TRIM41: variants seen among roughly 807,000 people sequenced by gnomAD.
TRIM41 encodes tripartite motif containing 41, also known as E3 ubiquitin-protein ligase TRIM41.
A neutral mutation model predicts 60.6 loss-of-function variants in TRIM41; 21 were observed. That is an observed-to-expected ratio of 0.35 (90% CI 0.25 to 0.50). The LOEUF is 0.50. TRIM41 is among the 20% of genes least tolerant of loss of function. TRIM41 has a pLI of 0.98. For synonymous variants in TRIM41, 407 were observed against 344.9 expected (o/e 1.18, Z -2.00); for missense variants, 846 against 868.3 (o/e 0.97, Z 0.32).
rs777328002 is a variant in TRIM41, at chr5:181,224,911, C to G, written c.813+99C>G. The G allele has an allele frequency of 2.0e-6, 3 of 1,532,638 alleles. No homozygotes were observed. In the South Asian group the frequency reaches 3.4e-5, roughly 18 times the overall value. 94.9% of individuals were successfully genotyped at this position (1,532,638 alleles called of 1,614,324 possible). A position where few individuals can be genotyped will look rare whatever the true frequency, so the allele number is the denominator to read the frequency against. On this transcript the variant is annotated intron_variant, in intron 1 of 5. Transcript: ENST00000315073. ...AAACATCTCTTCACCCACCAAAGAACCTCATGGTATTGGTGAGCCAAGTTT... is the reference window on the plus strand; with the variant it reads ...AAACATCTCTTCACCCACCAAAGAAGCTCATGGTATTGGTGAGCCAAGTTT...
Position 181,235,625 on chromosome 5 carries a change from A to AG in TRIM41, c.*855dup, listed in dbSNP as rs529128801. 174 of 570,820 alleles carry AG rather than the reference A, an allele frequency of 3.0e-4. 1 individual carries two copies. The highest frequency in any genetic ancestry group is 3.0e-3 in the African/African-American group (162 of 53,360). The allele number at this position is 570,820 out of a possible 1,614,324, so 35.4% of individuals were successfully genotyped here. On this transcript the variant is annotated 3_prime_UTR_variant, in exon 6 of 6. Transcript: ENST00000315073. ...CTTTCACTCCATTTGGCAAGCTCTG[A>AG]GGGGGAGCCTGGGGACGGGTTTGGG...
chr5:181,223,316 G>C lies in TRIM41; in HGVS notation c.-684G>C. ...TCGGCTGTGGGGAGTACCGGCTGCA[G>C]TCGGCTGTGCCGGGAGGGTAGGATG... is the stretch of plus-strand genomic sequence containing the variant. On this transcript the variant is annotated 5_prime_UTR_variant, in exon 1 of 6. Coordinates refer to ENST00000315073, the MANE Select transcript of TRIM41 (RefSeq NM_033549.5). 1 of 399,224 alleles carries C rather than the reference G, an allele frequency of 2.5e-6. No individual in the cohort carries two copies. The highest frequency in any genetic ancestry group is 4.4e-6 in the Non-Finnish European group (1 of 226,486). 24.7% of individuals were successfully genotyped at this position (399,224 alleles called of 1,614,324 possible).
Position 181,234,197 on chromosome 5 carries a change from A to G in TRIM41, c.1315A>G (p.Thr439Ala), listed in dbSNP as rs1429128113. ...AGTGGACCTGACGCTGGACCCTGAC[A>G]CGGCTCACCCGGCCCTGATGCTGTC... is the stretch of plus-strand genomic sequence containing the variant. The part of the protein sequence containing the change: ...ARVDLTLDPD[T>A]AHPALMLSPD... Residue 439 changes from threonine to alanine, a missense_variant, in exon 6 of 6, where the codon ACG (threonine) becomes GCG (alanine). Transcript: ENST00000315073. This position sits in a 1 kb window ranked among gnomAD's most constrained non-coding sequence, Gnocchi z 5.6. The G allele has an allele frequency of 2.5e-6, 4 of 1,612,450 alleles. No homozygotes were observed. Among genetic ancestry groups the G allele is most frequent in the African/African-American group, 1.3e-5 (1 of 75,010 alleles).
At chr5:181,226,613 T>C (rs552330288) in intron 1 of TRIM41, 12 of 152,364 alleles carry the variant, frequency 7.9e-5, no homozygotes, top group African/African-American at 2.9e-4. Flanking sequence ...CCTGTTGTCC[T>C]TTCCATCTCC....
Position 181,224,750 on chromosome 5 carries a change from G to A in TRIM41, c.751G>A (p.Glu251Lys). 6.2e-7 allele frequency: 1 copy of A among 1,614,218 alleles called. No homozygotes were observed. Residue 251 changes from glutamate (E) to lysine (K), a missense_variant, in exon 1 of 6, where the codon GAA becomes AAA. Coordinates refer to ENST00000315073, the MANE Select transcript of TRIM41 (RefSeq NM_033549.5). Reference sequence around the variant, plus strand: ...AGAGGCCATCTGTGTGGTGTGCCGAGAATCCAGGAGCCACAAACAGCACAG... The same window carrying A: ...AGAGGCCATCTGTGTGGTGTGCCGAAAATCCAGGAGCCACAAACAGCACAG... Reference protein sequence around the residue: ...DEEAICVVCRESRSHKQHSVV... With the variant: ...DEEAICVVCRKSRSHKQHSVV...
rs189635310 is a variant in TRIM41 at position 181,232,543 on chromosome 5, G to T, written c.910-116G>T. The T allele has an allele frequency of 1.9e-5, 18 of 948,166 alleles. No individual in the cohort carries two copies. The African/African-American group carries it at 2.8e-4, about 15-fold the overall frequency. 58.7% of individuals were successfully genotyped at this position (948,166 alleles called of 1,614,324 possible). A position where few individuals can be genotyped will look rare whatever the true frequency, so the allele number is the denominator to read the frequency against. ...ATGAGCCTCTTTCCGGGACTATCTT[G>T]GACCTGGGGAGTGTAGGGCTCCTTT... On this transcript the variant is annotated intron_variant, in intron 2 of 5. Coordinates refer to ENST00000315073, the MANE Select transcript of TRIM41 (RefSeq NM_033549.5).
chr5:181,234,553 A>T lies in TRIM41; in HGVS notation c.1671A>T (p.Lys557Asn). 1 of 1,614,174 alleles carries T rather than the reference A, an allele frequency of 6.2e-7. No homozygotes were observed. Among genetic ancestry groups the T allele is most frequent in the Non-Finnish European group, 8.5e-7 (1 of 1,179,992 alleles). The change falls in exon 6 of 6, where the codon AAA becomes AAT. Residue 557 changes from lysine (K) to asparagine (N), a missense_variant. Coordinates refer to ENST00000315073, the MANE Select transcript of TRIM41 (RefSeq NM_033549.5). This position sits in a 1 kb window ranked among gnomAD's most constrained non-coding sequence, Gnocchi z 5.6. ...TGTGGTGCGTGGGCACCAACGGCAAACGCTATCAGGCCCAGAGCTCCACAG... is the reference window on the plus strand; with the variant it reads ...TGTGGTGCGTGGGCACCAACGGCAATCGCTATCAGGCCCAGAGCTCCACAG... ...REVWCVGTNG[K>N]RYQAQSSTEQ...
intron 2 of TRIM41, 112 bp downstream of exon 2, chr5:181,230,951 G>T (rs1758772512): frequency 1.1e-6 from 1 of 904,366 alleles, no homozygotes; most frequent in Admixed American, 1.8e-5. Context: ...GACAGCTAAG[G>T]CCTGGGAGAG....
rs756465091 is a variant in TRIM41, at chr5:181,234,929, T to C, written c.*154T>C. ...GACCCCAGGCCCCTGCTTCTCCCTCTAGGAGCCTAAAGAACCCTCCTGGCC... is the reference window on the plus strand; with the variant it reads ...GACCCCAGGCCCCTGCTTCTCCCTCCAGGAGCCTAAAGAACCCTCCTGGCC... On this transcript the variant is annotated 3_prime_UTR_variant, in exon 6 of 6. Transcript: ENST00000315073. This position sits in a 1 kb window ranked among gnomAD's most constrained non-coding sequence, Gnocchi z 5.6. 4.3e-6 allele frequency: 7 copies of C among 1,613,778 alleles called. No homozygotes were observed. In the South Asian group the frequency reaches 4.4e-5, roughly 10 times the overall value.
In TRIM41 at chr5:181,224,452, G is replaced by C. The variant is rs1332982973; in HGVS notation, c.453G>C (p.Glu151Asp). 7 of 1,613,804 alleles carry C rather than the reference G, an allele frequency of 4.3e-6. No individual in the cohort carries two copies. In the South Asian group the frequency reaches 6.6e-5, roughly 15 times the overall value. Reference protein sequence around the residue: ...EEEDLRGEDEEDEEEVLEEVE... With the variant: ...EEEDLRGEDEDDEEEVLEEVE... ...AGGACCTGAGGGGGGAGGATGAGGAGGACGAGGAGGAAGTGCTGGAGGAGG... is the reference window on the plus strand; with the variant it reads ...AGGACCTGAGGGGGGAGGATGAGGACGACGAGGAGGAAGTGCTGGAGGAGG... Residue 151 changes from glutamate (E) to aspartate (D), a missense_variant, in exon 1 of 6, where the codon GAG (glutamate) becomes GAC (aspartate). By Grantham distance (45) the Glu-to-Asp change is conservative (BLOSUM62 2). Transcript: ENST00000315073.
chr5:181,235,533 G>A lies in TRIM41; in HGVS notation c.*758G>A. 3.5e-6 allele frequency: 4 copies of A among 1,155,262 alleles called. No individual in the cohort carries two copies. The highest frequency in any genetic ancestry group is 5.0e-6 in the Non-Finnish European group (4 of 808,064). 71.6% of individuals were successfully genotyped at this position (1,155,262 alleles called of 1,614,324 possible). On this transcript the variant is annotated 3_prime_UTR_variant, in exon 6 of 6. Transcript: ENST00000315073. ...CCCACCCCACACCCCTCCCAGGTCT[G>A]CTCACTGCCAGGCTCCTCTCCCCTT...
chr5:181,226,437 G>A (rs920690270), intron 1 of TRIM41: 1 of 152,156 alleles, frequency 6.6e-6, no homozygotes, highest in East Asian at 1.9e-4. Flanking sequence ...CTGATTGTTG[G>A]AATTACTAGG....
In TRIM41 at chr5:181,224,066, T is replaced by C; in HGVS notation, c.67T>C (p.Cys23Arg). The C allele has an allele frequency of 6.2e-7, 1 of 1,614,254 alleles. No individual in the cohort carries two copies. Among genetic ancestry groups the C allele is most frequent in the Non-Finnish European group, 8.5e-7 (1 of 1,180,048 alleles). Residue 23 changes from cysteine to arginine, a missense_variant, in exon 1 of 6, where the codon TGC (cysteine) becomes CGC (arginine). Physicochemically the swap from Cys to Arg is radical, Grantham distance 180. Coordinates refer to ENST00000315073, the MANE Select transcript of TRIM41 (RefSeq NM_033549.5). ...TCAGGAGGAGGCGGTGTGCGCCATC[T>C]GCCTCGATTACTTCACGGACCCCGT... ...TLQEEAVCAI[C>R]LDYFTDPVSI... is the part of the protein sequence containing the mutation.
At chr5:181,225,614 A>C (rs1358008755) in intron 1 of TRIM41, 2 of 152,286 alleles carry the variant, frequency 1.3e-5, no homozygotes, top group Non-Finnish European at 2.9e-5. Flanking sequence ...ACAGAGGGCC[A>C]CAGAGCTTCA....
Position 181,233,613 on chromosome 5 carries a change from C to T in TRIM41, c.1164-23C>T. The T allele has an allele frequency of 6.2e-7, 1 of 1,613,532 alleles. No homozygotes were observed. On this transcript the variant is annotated intron_variant, in intron 4 of 5. Transcript: ENST00000315073. The surrounding 1 kb of genome is among the most constrained non-coding windows in gnomAD (Gnocchi z 4.1). The stretch of plus-strand genomic sequence containing the variant: ...CTCTGGGAATATCGTGGTCCCACCC[C>T]CTGCCCGGTCCCCTTCCTCCAGGTG...
At position 181,223,708 on chromosome 5, in the gene TRIM41, T is replaced by G; in HGVS notation, c.-292T>G. The G allele has an allele frequency of 5.9e-6, 3 of 507,248 alleles. No individual in the cohort carries two copies. The highest frequency in any genetic ancestry group is 3.4e-5 in the South Asian group (1 of 29,052). 31.4% of individuals were successfully genotyped at this position (507,248 alleles called of 1,614,324 possible). ...CCAGGAAGTGAGGAGGGGCGGGGGT[T>G]TATGAGGAGTCCAAGGGAGCATTGG... On this transcript the variant is annotated 5_prime_UTR_variant, in exon 1 of 6. Transcript: ENST00000315073.
At chr5:181,232,376 C>T in intron 2 of TRIM41, 1 of 419,704 alleles carries the variant, frequency 2.4e-6, no homozygotes, top group Non-Finnish European at 4.3e-6. Flanking sequence ...GAAGGCTTGT[C>T]TTGGAATATT....
rs758318321 is a variant in TRIM41, at chr5:181,234,983, G to A, written c.*208G>A. 17 of 1,614,094 alleles carry A rather than the reference G, an allele frequency of 1.1e-5. No individual in the cohort carries two copies. Among genetic ancestry groups the A allele is most frequent in the Middle Eastern group, 1.6e-4 (1 of 6,062 alleles). On this transcript the variant is annotated 3_prime_UTR_variant, in exon 6 of 6. Transcript: ENST00000315073. The surrounding 1 kb of genome is among the most constrained non-coding windows in gnomAD (Gnocchi z 5.6). ...AGCTCAGCCTTCTCTCACCTACTAT[G>A]TCTGTCCAACAGGTCTGCATGGGTC...
At chr5:181,232,000 TA>T (rs1758823118) in intron 2 of TRIM41, 1 of 152,230 alleles carries the variant, frequency 6.6e-6, no homozygotes, top group Non-Finnish European at 1.5e-5. Flanking sequence ...TAAAAATACT[TA>T]CTATCTGGAC....
Sources: gnomAD v4.1 joint callset for allele counts on GRCh38, gnomAD v4.1.1 for gene constraint, Gnocchi (gnomAD v3.1) non-coding constraint, MANE v1.5 for transcripts, NCBI Gene and HGNC (gene_info 2026-07-23, HGNC 2026-07-21) for gene names.